DPP6: variants seen among roughly 807,000 people sequenced by gnomAD.
The protein encoded by DPP6 is dipeptidyl peptidase like 6.
A neutral mutation model predicts 122.6 loss-of-function variants in DPP6; 69 were observed. The ratio of observed to expected loss-of-function variants is 0.56; its 90% CI spans 0.46 to 0.69. DPP6 has a LOEUF of 0.69. Among genes scored for constraint, DPP6 ranks in the 30% least tolerant of loss-of-function variants. DPP6 has a pLI of 0.00. For missense variants in DPP6, 928 were observed against 1,116.9 expected, an observed-to-expected ratio of 0.83 and a Z score of 2.41; for synonymous variants, 418 against 433.1, an observed-to-expected ratio of 0.97 and a Z score of 0.43.
intron 6 of DPP6, among the ~76,000 whole-genome samples, chr7:154,656,141 A>T (rs1837223069): frequency 6.7e-6 from 1 of 149,600 alleles, no homozygotes; most frequent in Non-Finnish European, 1.5e-5. Flanking sequence ...GGCAGAGAAG[A>T]TCCCACAGAG....
the DPP6 span, among the ~76,000 whole-genome samples, chr7:153,827,912 G>T: frequency 1.3e-5 from 2 of 152,192 alleles, no homozygotes; most frequent in Non-Finnish European, 2.9e-5. Flanking sequence ...TCCACTGGGG[G>T]TTGTCCAAGG....
chr7:154,201,922 GC>G (rs1799195334), intron 1 of DPP6, among the ~76,000 whole-genome samples: 1 of 152,044 alleles, frequency 6.6e-6, no homozygotes, highest in African/African-American at 2.4e-5. Context: ...TTAAATCATT[GC>G]AATAATTCTT....
chr7:154,431,442 CT>C (rs1265139379), intron 1 of DPP6, among the ~76,000 whole-genome samples: 4 of 121,748 alleles, frequency 3.3e-5, no homozygotes, highest in East Asian at 2.8e-4. Flanking sequence ...TTTTTCTTTC[CT>C]TTCTTTTCTT....
At chr7:154,844,632 C>A (rs1021847631) in intron 16 of DPP6, among the ~76,000 whole-genome samples, 2 of 152,182 alleles carry the variant, frequency 1.3e-5, no homozygotes, top group Non-Finnish European at 2.9e-5. Flanking sequence ...TTCACATAGA[C>A]AGTAGTGGGC....
At chr7:153,749,078 A>C in the DPP6 span, among the ~76,000 whole-genome samples, 1,041 of 148,934 alleles carry the variant, frequency 7.0e-3, 2 homozygotes, top group African/African-American at 0.024. This position sits in a 1 kb window ranked among gnomAD's most constrained non-coding sequence, Gnocchi z 4.1. Flanking sequence ...AGTTGGCCGG[A>C]GAGTGGAGAC....
intron 1 of DPP6, among the ~76,000 whole-genome samples, chr7:154,383,329 C>A (rs1813792714): frequency 6.6e-6 from 1 of 152,200 alleles, no homozygotes; most frequent in Non-Finnish European, 1.5e-5. Flanking sequence ...AATACAATTT[C>A]CTGTTTTCCA....
At chr7:153,773,426 C>T in the DPP6 span, among the ~76,000 whole-genome samples, 5 of 150,588 alleles carry the variant, frequency 3.3e-5, no homozygotes, top group African/African-American at 1.2e-4. Context: ...TATGCAAGAA[C>T]ATCTGGATTA....
chr7:153,806,480 G>C, the DPP6 span, among the ~76,000 whole-genome samples: 1 of 151,282 alleles, frequency 6.6e-6, no homozygotes, highest in African/African-American at 2.5e-5. Flanking sequence ...AGGAGGTACA[G>C]TGGGTGTGAG....
intron 7 of DPP6, among the ~76,000 whole-genome samples, chr7:154,676,258 G>A (rs1012317699): frequency 5.6e-4 from 69 of 123,356 alleles, no homozygotes; most frequent in African/African-American, 2.2e-3. Context: ...TCCGGGCTGC[G>A]GCCATGGGGC....
chr7:153,989,885 T>C (rs920333590), intron 1 of DPP6, among the ~76,000 whole-genome samples: 3 of 151,606 alleles, frequency 2.0e-5, no homozygotes, highest in African/African-American at 7.3e-5. Context: ...CTGTCTCCAA[T>C]GTCCCCTGAC....
chr7:154,889,565 A>G, intron 25 of DPP6, 35 bp downstream of exon 25: 1 of 1,583,494 alleles, frequency 6.3e-7, no homozygotes, highest in Non-Finnish European at 8.6e-7. Context: ...TTGAACCTGG[A>G]GCAAGACATT....
Position 154,530,062 on chromosome 7 carries a change from G to A in DPP6, c.458-10470G>A, listed in dbSNP as rs1488682866. On this transcript the variant is annotated intron_variant, in intron 3 of 25. Coordinates refer to ENST00000377770, the MANE Select transcript of DPP6 (RefSeq NM_130797.4). ...AATCGCTTGGACCTGGGAGGCAGAGGCTGCAGTGAGCAGAAATCACACCAC... is the reference window on the plus strand; with the variant it reads ...AATCGCTTGGACCTGGGAGGCAGAGACTGCAGTGAGCAGAAATCACACCAC... Among the ~76,000 whole-genome samples the A allele has an allele frequency of 2.6e-5, 4 of 151,918 alleles. No individual in the cohort carries two copies. In the East Asian group the frequency reaches 7.7e-4, roughly 29 times the overall value.
intron 3 of DPP6, among the ~76,000 whole-genome samples, chr7:154,499,100 G>A (rs73729315): frequency 0.058 from 8,888 of 152,170 alleles, 825 homozygotes; most frequent in African/African-American, 0.2. Flanking sequence ...ACAGAAGTCG[G>A]GGAGGAGAAT....
At chr7:154,766,165 C>T (rs192826247) in intron 8 of DPP6, among the ~76,000 whole-genome samples, 194 of 152,268 alleles carry the variant, frequency 1.3e-3, no homozygotes, top group African/African-American at 4.4e-3. Context: ...TAGTTTTGTA[C>T]GGCTGGCATT....
In DPP6 at chr7:154,531,360, G is replaced by A. The variant is rs551919978; in HGVS notation, c.458-9172G>A. Reference sequence around the variant, plus strand: ...AAAACCATGGTGACCAGAAGAGAGTGGAACAGAGTTTCAAAATGCTGAAAG... The same window carrying A: ...AAAACCATGGTGACCAGAAGAGAGTAGAACAGAGTTTCAAAATGCTGAAAG... On this transcript the variant is annotated intron_variant, in intron 3 of 25. Transcript: ENST00000377770. Among the ~76,000 whole-genome samples the A allele has an allele frequency of 2.2e-4, 33 of 152,022 alleles. 1 individual carries two copies. The South Asian group carries it at 5.0e-3, about 23-fold the overall frequency.
intron 1 of DPP6, among the ~76,000 whole-genome samples, chr7:154,205,077 T>A (rs181760713): frequency 2.0e-5 from 3 of 152,216 alleles, no homozygotes; most frequent in Non-Finnish European, 4.4e-5. Flanking sequence ...ATTGCTGATA[T>A]TATTTCTCTC....
At chr7:154,583,711 G>A (rs1832240652) in intron 5 of DPP6, among the ~76,000 whole-genome samples, 1 of 152,150 alleles carries the variant, frequency 6.6e-6, no homozygotes, top group Non-Finnish European at 1.5e-5. Context: ...GCACACTGCT[G>A]AGACACATGA....
chr7:153,833,758 T>C, the DPP6 span, among the ~76,000 whole-genome samples: 2 of 152,264 alleles, frequency 1.3e-5, no homozygotes, highest in Admixed American at 6.5e-5. Context: ...ATAGTTGGCA[T>C]GCACTCATGT....
intron 17 of DPP6, among the ~76,000 whole-genome samples, chr7:154,856,708 T>C (rs180724416): frequency 6.6e-6 from 1 of 152,344 alleles, no homozygotes; most frequent in African/African-American, 2.4e-5. Context: ...AGGCCCTAGG[T>C]TGCCATCCAT....
Sources: allele counts gnomAD v4.1 joint callset (sites outside exome capture counted in the v4.1 genomes callset), GRCh38; gene constraint gnomAD v4.1.1; non-coding constraint Gnocchi (gnomAD v3.1); transcripts MANE v1.5; gene names NCBI Gene and HGNC (gene_info 2026-07-23, HGNC 2026-07-21).